Variants in RPH3AL observed in about 807,000 individuals in gnomAD.
RPH3AL encodes rabphilin 3A like (without C2 domains).
RPH3AL carries 38 observed loss-of-function variants against 43.1 expected under a neutral mutation model. The ratio of observed to expected loss-of-function variants is 0.88; its 90% confidence interval spans 0.68 to 1.15. The LOEUF is 1.15. RPH3AL is among the 50% of genes most tolerant of loss of function. RPH3AL has a pLI of 0.00. For synonymous variants in RPH3AL, 189 were observed against 176.3 expected (o/e 1.07, Z -0.57); for missense variants, 462 against 423.2 (o/e 1.09, Z -0.81).
intron 7 of RPH3AL, among the ~76,000 whole-genome samples, chr17:243,212 T>C (rs566210490): frequency 6.9e-6 from 1 of 145,906 alleles, no homozygotes; most frequent in Non-Finnish European, 1.5e-5. Flanking sequence ...CTCTATTGAC[T>C]ACCTTCCTCT....
intron 6 of RPH3AL, among the ~76,000 whole-genome samples, chr17:252,114 G>A (rs1329561396): frequency 6.6e-6 from 1 of 151,844 alleles, no homozygotes; most frequent in Non-Finnish European, 1.5e-5. Context: ...TGGGACTATA[G>A]GTGGTGTGCG....
rs1430115272 is a variant in RPH3AL, at chr17:264,355, G to A, written c.439-17070C>T. 1.2e-5 allele frequency among the ~76,000 whole-genome samples: 1 copy of A among 83,008 alleles called. No individual in the cohort carries two copies. The highest frequency in any genetic ancestry group is 1.2e-4 in the Admixed American group (1 of 8,196). 54.5% of individuals were successfully genotyped at this position (83,008 alleles called of 152,430 possible). ...CTTCGGAGCCGTGCGCGCTGGATGG[G>A]GACTCAGAATCCGCAGCACGTTGAC... is the stretch of plus-strand genomic sequence containing the variant. On this transcript the variant is annotated intron_variant, in intron 6 of 9. Transcript: ENST00000331302. This position sits in a 1 kb window ranked among gnomAD's most constrained non-coding sequence, Gnocchi z 4.8.
chr17:281,789 C>A lies in RPH3AL; in HGVS notation c.417G>T (p.Lys139Asn), dbSNP rs753195879. ...CTACCTCTCTTTGCTCACTGCAGAT[C>A]TTACACAGCCACAGGGGCCGCTTCT... ...PGQKRPLWLC[K>N]ICSEQREVWK... The change falls in exon 6 of 10, where the codon AAG becomes AAT. Residue 139 changes from lysine to asparagine, a missense_variant. Transcript: ENST00000331302. 3.1e-6 allele frequency: 5 copies of A among 1,613,780 alleles called. No individual in the cohort carries two copies. Among genetic ancestry groups the A allele is most frequent in the Non-Finnish European group, 4.2e-6 (5 of 1,179,942 alleles).
At chr17:314,339 A>C (rs570627602) in intron 5 of RPH3AL, among the ~76,000 whole-genome samples, 2 of 151,940 alleles carry the variant, frequency 1.3e-5, no homozygotes, top group South Asian at 4.2e-4. Flanking sequence ...GCACACTGCC[A>C]GCTCCCGTTC....
At position 245,806 on chromosome 17, in the gene RPH3AL, G is replaced by C. The variant is rs878985575; in HGVS notation, c.613+1305C>G. Among the ~76,000 whole-genome samples the C allele has an allele frequency of 1.3e-5, 2 of 152,100 alleles. No homozygotes were observed. The highest frequency in any genetic ancestry group is 2.9e-5 in the Non-Finnish European group (2 of 68,004). On this transcript the variant is annotated intron_variant, in intron 7 of 9. Coordinates refer to ENST00000331302, the MANE Select transcript of RPH3AL (RefSeq NM_006987.4). The surrounding 1 kb of genome is among the most constrained non-coding windows in gnomAD (Gnocchi z 5.9). ...TCAGGCCAGTGTCCCAGCCAGGCCT[G>C]CACCCCCTCCTCCTGAGGGACTCCC...
rs547915395 is a variant in RPH3AL at position 245,169 on chromosome 17, CTGTG to C, written c.613+1938_613+1941del. On this transcript the variant is annotated intron_variant, in intron 7 of 9. Coordinates refer to ENST00000331302, the MANE Select transcript of RPH3AL (RefSeq NM_006987.4). The surrounding 1 kb of genome is among the most constrained non-coding windows in gnomAD (Gnocchi z 5.9). The stretch of plus-strand genomic sequence containing the variant: ...GATGTGTGTGTGCACATGGATGTGT[CTGTG>C]TGTACGTGGATGTCTGTGTGTGTGG... 1.0e-3 allele frequency among the ~76,000 whole-genome samples: 137 copies of C among 132,178 alleles called. 1 individual carries two copies. Among genetic ancestry groups the C allele is most frequent in the African/African-American group, 3.5e-3 (123 of 34,946 alleles). The allele number at this position is 132,178 out of a possible 152,430, so 86.7% of individuals were successfully genotyped here.
intron 5 of RPH3AL, among the ~76,000 whole-genome samples, chr17:316,827 C>A (rs1263832920): frequency 7.1e-6 from 1 of 140,744 alleles, no homozygotes; most frequent in Non-Finnish European, 1.5e-5. Flanking sequence ...CTCCATTGAC[C>A]TGTAGTCCCT....
chr17:294,165 G>A (rs1056852301), intron 5 of RPH3AL, among the ~76,000 whole-genome samples: 3 of 152,136 alleles, frequency 2.0e-5, no homozygotes, highest in South Asian at 4.1e-4. Context: ...TGCCAGGTAC[G>A]AGCCCAGTGT....
chr17:271,488 T>A (rs1397139089), intron 6 of RPH3AL, among the ~76,000 whole-genome samples: 2 of 152,218 alleles, frequency 1.3e-5, no homozygotes, highest in African/African-American at 2.4e-5. Context: ...AAGAGGTCCT[T>A]CACATCCTTT....
At chr17:293,105 G>A (rs1226229934) in intron 5 of RPH3AL, among the ~76,000 whole-genome samples, 1 of 152,114 alleles carries the variant, frequency 6.6e-6, no homozygotes, top group East Asian at 1.9e-4. Context: ...CCCCTCCATC[G>A]GAAGAGCCTC....
chr17:324,728 T>TATCTATCTATCTATCTATCTATCTA (rs1555525223), intron 3 of RPH3AL, among the ~76,000 whole-genome samples: 2 of 152,112 alleles, frequency 1.3e-5, no homozygotes, highest in Non-Finnish European at 2.9e-5. Context: ...TCTATCTATC[T>TATCTATCTATCTATCTATCTATCTA]ATCTATGTCT....
At chr17:248,510 G>A (rs1336654573) in intron 6 of RPH3AL, among the ~76,000 whole-genome samples, 3 of 152,162 alleles carry the variant, frequency 2.0e-5, no homozygotes, top group Non-Finnish European at 4.4e-5. Flanking sequence ...AGTGGTGAGA[G>A]TCACCCTAAA....
chr17:233,587 C>T (rs2041281394), intron 7 of RPH3AL, among the ~76,000 whole-genome samples: 1 of 152,170 alleles, frequency 6.6e-6, no homozygotes, highest in Non-Finnish European at 1.5e-5. Flanking sequence ...TCCCACTGGC[C>T]AGGTGCAAAG....
At chr17:302,595 G>C (rs2043356219) in intron 5 of RPH3AL, among the ~76,000 whole-genome samples, 1 of 152,190 alleles carries the variant, frequency 6.6e-6, no homozygotes, top group South Asian at 2.1e-4. Flanking sequence ...ACGGGAAACA[G>C]GATGGGAGGC....
intron 5 of RPH3AL, among the ~76,000 whole-genome samples, chr17:285,380 T>G (rs1370011786): frequency 6.6e-6 from 1 of 152,096 alleles, no homozygotes; most frequent in Non-Finnish European, 1.5e-5. Context: ...AGCTGTAAAG[T>G]GGGATAATAC....
At chr17:292,962 C>T (rs2043080920) in intron 5 of RPH3AL, among the ~76,000 whole-genome samples, 1 of 152,222 alleles carries the variant, frequency 6.6e-6, no homozygotes, top group Non-Finnish European at 1.5e-5. Context: ...AGTGGAGAAA[C>T]ATTTCAGGAG....
intron 6 of RPH3AL, among the ~76,000 whole-genome samples, chr17:270,963 G>A (rs933197313): frequency 6.6e-6 from 1 of 152,168 alleles, no homozygotes; most frequent in Non-Finnish European, 1.5e-5. Flanking sequence ...TAAGGTGTAA[G>A]GAAGGGATCC....
At chr17:244,383 G>T (rs1555538823) in intron 7 of RPH3AL, among the ~76,000 whole-genome samples, 1 of 151,986 alleles carries the variant, frequency 6.6e-6, no homozygotes, top group Non-Finnish European at 1.5e-5. Context: ...AGGTGCATGA[G>T]CCTAAGAGAT....
chr17:342,900 C>G (rs1394523970), intron 1 of RPH3AL, among the ~76,000 whole-genome samples: 1 of 152,160 alleles, frequency 6.6e-6, no homozygotes, highest in Non-Finnish European at 1.5e-5. Context: ...TGATGCTAAT[C>G]TGGGTTCCAA....
Sources: gnomAD v4.1 joint callset for allele counts (sites outside exome capture counted in the v4.1 genomes callset) on GRCh38, gnomAD v4.1.1 for gene constraint, Gnocchi (gnomAD v3.1) non-coding constraint, MANE v1.5 for transcripts, NCBI Gene and HGNC (gene_info 2026-07-23, HGNC 2026-07-21) for gene names.